Variants in DACH2 observed in about 807,000 individuals in gnomAD.
DACH2 encodes the protein dachshund homolog 2.
Under a neutral mutation model 35.8 loss-of-function variants are expected in DACH2, and 17 were observed. The ratio of observed to expected loss-of-function variants is 0.48; its 90% CI spans 0.33 to 0.71. The LOEUF (loss-of-function observed/expected upper bound fraction) is 0.71, where lower values mean the gene tolerates loss of function less well. DACH2 is among the 30% of genes least tolerant of loss of function. The pLI, the probability that DACH2 is intolerant of heterozygous loss-of-function variation, is 0.02. For missense variants in DACH2, 469 were observed against 472.7 expected, an observed-to-expected ratio of 0.99 and a Z score of 0.07; for synonymous variants, 195 against 177.3, an observed-to-expected ratio of 1.10 and a Z score of -0.79.
intron 2 of DACH2, among the ~76,000 whole-genome samples, chrX:86,438,020 C>T (rs1167879749): frequency 2.8e-5 from 3 of 108,747 alleles, no homozygotes; most frequent in Non-Finnish European, 5.7e-5. Flanking sequence ...TTCTGAGTAT[C>T]TCCTCCTCCT....
In DACH2 at chrX:86,367,778, G is replaced by A. The variant is rs757257529; in HGVS notation, c.489-9046G>A. On this transcript the variant is annotated intron_variant, in intron 1 of 11. Coordinates refer to ENST00000373125, the MANE Select transcript of DACH2 (RefSeq NM_053281.3). ...GTTCAGAATTGGCTGTTGTTCAAAA[G>A]TTGGAAAATAATTTTTCATGGAAAC... is the stretch of plus-strand genomic sequence containing the variant. Among the ~76,000 whole-genome samples the A allele has an allele frequency of 1.1e-4, 12 of 111,850 alleles. No individual in the cohort carries two copies. In the East Asian group the frequency reaches 3.4e-3, roughly 32 times the overall value.
chrX:86,771,943 G>A (rs1185901748), intron 7 of DACH2, among the ~76,000 whole-genome samples: 3 of 111,610 alleles, frequency 2.7e-5, no homozygotes, highest in African/African-American at 9.8e-5. Flanking sequence ...TTTGTGAAAT[G>A]TTGGTATATC....
At chrX:86,475,943 G>T (rs1387215386) in intron 2 of DACH2, among the ~76,000 whole-genome samples, 2 of 112,215 alleles carry the variant, frequency 1.8e-5, no homozygotes, top group Non-Finnish European at 3.8e-5. Context: ...TCATACGATT[G>T]TTGTCTTTCA....
chrX:86,196,266 C>T (rs1403000408), intron 1 of DACH2, among the ~76,000 whole-genome samples: 3 of 111,683 alleles, frequency 2.7e-5, no homozygotes, highest in Non-Finnish European at 5.6e-5. Flanking sequence ...CTGAAAAACA[C>T]ACTACAAGAA....
intron 1 of DACH2, among the ~76,000 whole-genome samples, chrX:86,295,238 G>C (rs1002238388): frequency 7.1e-5 from 8 of 111,958 alleles, no homozygotes; most frequent in Non-Finnish European, 1.1e-4. Flanking sequence ...CTGACCCCTT[G>C]TGCTTCCCAA....
At chrX:86,546,447 TC>T (rs1473978095) in intron 3 of DACH2, among the ~76,000 whole-genome samples, 1 of 95,590 alleles carries the variant, frequency 1.0e-5, no homozygotes, top group Non-Finnish European at 2.1e-5. Context: ...TTCTTCTTCT[TC>T]CTCTTCCTCT....
At chrX:86,399,969 A>G (rs1343821812) in intron 2 of DACH2, among the ~76,000 whole-genome samples, 1 of 111,937 alleles carries the variant, frequency 8.9e-6, no homozygotes, top group Non-Finnish European at 1.9e-5. Flanking sequence ...AATATCCTGC[A>G]GAGTGTTTTC....
intron 1 of DACH2, among the ~76,000 whole-genome samples, chrX:86,194,365 G>T (rs1023905234): frequency 1.8e-5 from 2 of 111,793 alleles, no homozygotes; most frequent in African/African-American, 6.5e-5. Flanking sequence ...TTGGGGGCAA[G>T]ATGGCCGACT....
chrX:86,360,623 C>A (rs1359538384), intron 1 of DACH2, among the ~76,000 whole-genome samples: 1 of 110,988 alleles, frequency 9.0e-6, no homozygotes, highest in African/African-American at 3.3e-5. Flanking sequence ...CTTCCAAAGT[C>A]CTGCAGCTAA....
intron 2 of DACH2, among the ~76,000 whole-genome samples, chrX:86,418,961 T>C (rs1361782669): frequency 8.9e-6 from 1 of 111,739 alleles, no homozygotes; most frequent in African/African-American, 3.3e-5. Flanking sequence ...TCCACAAGTC[T>C]CTAGGGCAGG....
chrX:86,758,388 A>G (rs79918076), intron 7 of DACH2, among the ~76,000 whole-genome samples: 2 of 111,236 alleles, frequency 1.8e-5, no homozygotes, highest in African/African-American at 6.5e-5. Flanking sequence ...TTAGCACTGC[A>G]TTTGCTGTAT....
At chrX:86,321,194 C>T (rs747980424) in intron 1 of DACH2, among the ~76,000 whole-genome samples, 1 of 111,479 alleles carries the variant, frequency 9.0e-6, no homozygotes, top group South Asian at 3.8e-4. Flanking sequence ...CTGAGACCTC[C>T]TTGGTCCCAA....
intron 1 of DACH2, among the ~76,000 whole-genome samples, chrX:86,329,267 C>A (rs2035169611): frequency 2.7e-5 from 3 of 110,661 alleles, no homozygotes; most frequent in African/African-American, 1.0e-4. Context: ...GTTAGCTTCA[C>A]TATGAAGGGG....
chrX:86,552,360 A>G (rs2039061412), intron 3 of DACH2, among the ~76,000 whole-genome samples: 1 of 111,512 alleles, frequency 9.0e-6, no homozygotes, highest in African/African-American at 3.3e-5. Context: ...ATAAAGTAAA[A>G]CATCATGTAC....
chrX:86,304,958 G>C (rs774907449), intron 1 of DACH2: 8 of 127,561 alleles, frequency 6.3e-5, no homozygotes, highest in Non-Finnish European at 1.2e-4. Context: ...GCAACAGACT[G>C]AGAATAAAAC....
chrX:86,473,824 A>G (rs1385527667), intron 2 of DACH2, among the ~76,000 whole-genome samples: 1 of 111,414 alleles, frequency 9.0e-6, no homozygotes, highest in Non-Finnish European at 1.9e-5. Flanking sequence ...TATTACACCA[A>G]ACACAAGAGT....
At chrX:86,654,968 T>G (rs1471795966) in intron 4 of DACH2, among the ~76,000 whole-genome samples, 1 of 111,805 alleles carries the variant, frequency 8.9e-6, no homozygotes, top group African/African-American at 3.2e-5. Flanking sequence ...GATCTGAAAA[T>G]TTTTGGTAAT....
chrX:86,795,894 C>G (rs1025930154), intron 7 of DACH2, among the ~76,000 whole-genome samples: 1 of 89,618 alleles, frequency 1.1e-5, no homozygotes, highest in Non-Finnish European at 2.5e-5. Context: ...TTGCTGACTT[C>G]AGGAGTGAAG....
chrX:86,811,310 C>T (rs937710573), intron 7 of DACH2, among the ~76,000 whole-genome samples: 2 of 111,591 alleles, frequency 1.8e-5, no homozygotes, highest in African/African-American at 6.5e-5. Flanking sequence ...CAAGAAATTC[C>T]ACAGCAAAAG....
Sources: gnomAD v4.1 joint callset for allele counts (sites outside exome capture counted in the v4.1 genomes callset) on GRCh38, gnomAD v4.1.1 for gene constraint, MANE v1.5 for transcripts, NCBI Gene and HGNC (gene_info 2026-07-23, HGNC 2026-07-21) for gene names.